Variants in OSBPL8 observed in about 807,000 individuals in gnomAD.
The protein encoded by OSBPL8 is oxysterol-binding protein-related protein 8.
A neutral mutation model predicts 125.5 loss-of-function variants in OSBPL8; 59 were observed. The ratio of observed to expected loss-of-function variants is 0.47; its 90% CI spans 0.38 to 0.58. The LOEUF (loss-of-function observed/expected upper bound fraction) is 0.58. Ranked by LOEUF, OSBPL8 falls within the 20% of genes least tolerant of loss-of-function variation. The probability of loss-of-function intolerance (pLI) is 0.00; values close to 1 mark genes in which losing one functional copy is unlikely to be tolerated. For synonymous variants in OSBPL8, 330 were observed against 338.9 expected (o/e 0.97, Z 0.29); for missense variants, 758 against 1,047.8 (o/e 0.72, Z 3.82).
rs185898539 is a variant in OSBPL8 at position 76,381,139 on chromosome 12, C to T, written c.1631-2589G>A. 2.0e-5 allele frequency among the ~76,000 whole-genome samples: 3 copies of T among 152,158 alleles called. No individual in the cohort carries two copies. The East Asian group carries it at 5.8e-4, about 29-fold the overall frequency. ...TTTATATGTCCATATATTATTCTCC[C>T]TATCTGTTGATTTGTTACTACTTAA... On this transcript the variant is annotated intron_variant, in intron 15 of 23. Coordinates refer to ENST00000261183, the MANE Select transcript of OSBPL8 (RefSeq NM_020841.5).
intron 4 of OSBPL8, among the ~76,000 whole-genome samples, chr12:76,446,545 T>C (rs1306609705): frequency 1.3e-5 from 2 of 152,146 alleles, no homozygotes; most frequent in Non-Finnish European, 2.9e-5. Flanking sequence ...TGCTTTAAAT[T>C]AGAGGGTTAT....
intron 4 of OSBPL8, among the ~76,000 whole-genome samples, chr12:76,412,663 A>G (rs1424401794): frequency 6.6e-6 from 1 of 152,204 alleles, no homozygotes; most frequent in Non-Finnish European, 1.5e-5. Context: ...GTGACACACT[A>G]TGCTATAGGT....
chr12:76,414,397 ATATTGG>A (rs1052977467), intron 4 of OSBPL8, among the ~76,000 whole-genome samples: 10 of 149,064 alleles, frequency 6.7e-5, no homozygotes, highest in Non-Finnish European at 1.0e-4. Flanking sequence ...ATAGATATTG[ATATTGG>A]TACATATATT....
At chr12:76,378,378 A>G (rs999022294) in intron 16 of OSBPL8, 74 bp downstream of exon 16, 19 of 1,030,338 alleles carry the variant, frequency 1.8e-5, no homozygotes, top group Middle Eastern at 2.1e-4. Context: ...ATCACAAAGC[A>G]TAACAAATCA....
At chr12:76,521,405 G>A (rs1001046720) in intron 1 of OSBPL8, among the ~76,000 whole-genome samples, 2 of 152,204 alleles carry the variant, frequency 1.3e-5, no homozygotes, top group East Asian at 3.9e-4. Context: ...TTCCTCAAAA[G>A]ATTAAAAAAC....
At chr12:76,401,647 T>G (rs1002616601) in intron 6 of OSBPL8, among the ~76,000 whole-genome samples, 2 of 152,294 alleles carry the variant, frequency 1.3e-5, no homozygotes, top group African/African-American at 4.8e-5. Context: ...CCTATACTGC[T>G]TCTATAATAT....
At chr12:76,545,557 A>G (rs545205619) in intron 1 of OSBPL8, among the ~76,000 whole-genome samples, 58 of 152,314 alleles carry the variant, frequency 3.8e-4, no homozygotes, top group Non-Finnish European at 6.5e-4. Flanking sequence ...ACTGATATTC[A>G]ATCCCAAAAG....
intron 1 of OSBPL8, among the ~76,000 whole-genome samples, chr12:76,492,205 C>A (rs2137377): frequency 0.2 from 30,974 of 151,978 alleles, 3,393 homozygotes; most frequent in Non-Finnish European, 0.26. Flanking sequence ...GACATGTGAG[C>A]AATGATTTGA....
intron 4 of OSBPL8, among the ~76,000 whole-genome samples, chr12:76,450,504 A>G (rs960448624): frequency 1.2e-4 from 19 of 152,024 alleles, no homozygotes; most frequent in African/African-American, 4.1e-4. Flanking sequence ...TTTATAATAT[A>G]ATAAAATAGA....
At chr12:76,511,527 T>C (rs943427954) in intron 1 of OSBPL8, among the ~76,000 whole-genome samples, 8 of 152,258 alleles carry the variant, frequency 5.3e-5, no homozygotes, top group Non-Finnish European at 1.5e-5. Context: ...GTATGTCTTC[T>C]TTCGAAAAGT....
At chr12:76,474,376 G>A (rs1592746799) in intron 2 of OSBPL8, among the ~76,000 whole-genome samples, 1 of 152,116 alleles carries the variant, frequency 6.6e-6, no homozygotes, top group African/African-American at 2.4e-5. Context: ...AATGGAGCAA[G>A]AGCAAGCTTG....
chr12:76,511,388 C>T (rs953191541), intron 1 of OSBPL8, among the ~76,000 whole-genome samples: 4 of 152,212 alleles, frequency 2.6e-5, no homozygotes, highest in Non-Finnish European at 5.9e-5. Flanking sequence ...CTTTTCTCTG[C>T]AACCTCAGCA....
Position 76,378,650 on chromosome 12 carries a change from A to C in OSBPL8, c.1631-100T>G, listed in dbSNP as rs548051116. 5.1e-5 allele frequency: 40 copies of C among 777,966 alleles called. No homozygotes were observed. In the South Asian group the frequency reaches 6.7e-4, roughly 13 times the overall value. 48.2% of individuals were successfully genotyped at this position (777,966 alleles called of 1,614,324 possible). ...ACACCTACCAGACATCTACAGTAGA[A>C]AGTCTTAAAAATGTCTCAATCTCAA... On this transcript the variant is annotated intron_variant, in intron 15 of 23. Transcript: ENST00000261183.
At chr12:76,377,920 T>C (rs1369468801) in intron 16 of OSBPL8, among the ~76,000 whole-genome samples, 3 of 152,300 alleles carry the variant, frequency 2.0e-5, no homozygotes, top group Admixed American at 6.5e-5. Flanking sequence ...AATAAATGCA[T>C]TGAACAGTTG....
chr12:76,372,266 C>A (rs2136201729), intron 18 of OSBPL8, among the ~76,000 whole-genome samples: 1 of 152,240 alleles, frequency 6.6e-6, no homozygotes, highest in African/African-American at 2.4e-5. Flanking sequence ...AGGGCAGTAG[C>A]ACAATCATGG....
chr12:76,524,596 G>A (rs1234060278), intron 1 of OSBPL8, among the ~76,000 whole-genome samples: 1 of 151,152 alleles, frequency 6.6e-6, no homozygotes, highest in African/African-American at 2.4e-5. Flanking sequence ...CTGATACAAA[G>A]TATATACCAC....
chr12:76,556,605 C>T (rs1592918602), intron 1 of OSBPL8, among the ~76,000 whole-genome samples: 1 of 152,184 alleles, frequency 6.6e-6, no homozygotes, highest in Admixed American at 6.5e-5. Context: ...AGCACTTCTA[C>T]TAATCTCCTT....
At chr12:76,392,352 C>T (rs138255814) in intron 10 of OSBPL8, among the ~76,000 whole-genome samples, 179 of 152,184 alleles carry the variant, frequency 1.2e-3, no homozygotes, top group African/African-American at 4.0e-3. Flanking sequence ...ATTAGCATGG[C>T]TATATTTGGG....
chr12:76,410,856 A>G (rs577942771), intron 4 of OSBPL8, among the ~76,000 whole-genome samples: 34 of 152,276 alleles, frequency 2.2e-4, no homozygotes, highest in Middle Eastern at 6.8e-3. Flanking sequence ...ACATCGTGAA[A>G]TATCTCTTCT....
Sources: allele counts gnomAD v4.1 joint callset (sites outside exome capture counted in the v4.1 genomes callset), GRCh38; gene constraint gnomAD v4.1.1; transcripts MANE v1.5; gene names NCBI Gene and HGNC (gene_info 2026-07-23, HGNC 2026-07-21).